Variants in TBC1D5 observed in about 807,000 individuals in gnomAD.
TBC1D5 encodes the protein TBC1 domain family member 5.
A neutral mutation model predicts 100.3 loss-of-function variants in TBC1D5; 75 were observed. The ratio of observed to expected loss-of-function variants is 0.75; its 90% CI spans 0.62 to 0.91. The LOEUF (loss-of-function observed/expected upper bound fraction) is 0.91. Among genes scored for constraint, TBC1D5 ranks in the 40% least tolerant of loss-of-function variants. The pLI, the probability that TBC1D5 is intolerant of heterozygous loss-of-function variation, is 0.00. For missense variants in TBC1D5, 910 were observed against 942.4 expected (o/e 0.97, Z 0.45); for synonymous variants, 323 against 325.6 (o/e 0.99, Z 0.09).
intron 2 of TBC1D5, among the ~76,000 whole-genome samples, chr3:17,523,788 T>C (rs955982332): frequency 2.0e-5 from 3 of 152,220 alleles, no homozygotes; most frequent in African/African-American, 2.4e-5. Flanking sequence ...TATTGTCTCC[T>C]AGTGGACAAG....
intron 1 of TBC1D5, among the ~76,000 whole-genome samples, chr3:17,721,584 A>G (rs904759206): frequency 2.0e-5 from 3 of 152,030 alleles, no homozygotes; most frequent in African/African-American, 7.3e-5. Context: ...GAAAAATGTG[A>G]AGCTATGAGC....
intron 1 of TBC1D5, among the ~76,000 whole-genome samples, chr3:17,693,601 C>T (rs1182125314): frequency 6.6e-6 from 1 of 152,272 alleles, no homozygotes. Flanking sequence ...GGGCGGAGCC[C>T]ACTGCAGCTC....
intron 2 of TBC1D5, among the ~76,000 whole-genome samples, chr3:17,600,908 T>G (rs1460967635): frequency 9.2e-5 from 14 of 152,226 alleles, no homozygotes. Context: ...CATTTTATTC[T>G]CTTATCCAAG....
rs555998108 is a variant in TBC1D5, at chr3:17,711,881, A to T, written c.-101+27462T>A. 2.4e-4 allele frequency among the ~76,000 whole-genome samples: 36 copies of T among 152,374 alleles called. No individual in the cohort carries two copies. In the Middle Eastern group the frequency reaches 0.014, roughly 58 times the overall value. On this transcript the variant is annotated intron_variant, in intron 1 of 21. Coordinates refer to ENST00000253692, the Ensembl canonical transcript of TBC1D5. ...GTTTCTCTCACACAACCACAAGTGG[A>T]ATTGTGTTGAAGGTAATGTGCATGT... is the stretch of plus-strand genomic sequence containing the variant.
intron 1 of TBC1D5, among the ~76,000 whole-genome samples, chr3:17,638,825 T>C (rs566116917): frequency 6.6e-6 from 1 of 152,210 alleles, no homozygotes; most frequent in Admixed American, 6.5e-5. Context: ...GAGAAAATTT[T>C]AAGTTATAAA....
chr3:17,551,760 A>T (rs569552127), intron 2 of TBC1D5, among the ~76,000 whole-genome samples: 69 of 152,066 alleles, frequency 4.5e-4, no homozygotes, highest in Middle Eastern at 3.4e-3. Flanking sequence ...TGTTGAAAAC[A>T]ACAAGCAATT....
At chr3:17,729,624 T>C (rs1289357850) in intron 1 of TBC1D5, among the ~76,000 whole-genome samples, 1 of 152,038 alleles carries the variant, frequency 6.6e-6, no homozygotes, top group Non-Finnish European at 1.5e-5. Flanking sequence ...GGAGAATCGC[T>C]TGAACCTGGG....
In TBC1D5 at chr3:17,166,894, T is replaced by TTA; in HGVS notation, c.1965_1966dup (p.Asn656IlefsTer6). ...CTCTTCGGCCTCTAGCTGGCTCTGGTTAAAACGCAGGGAACCTTTTAGAAT... is the reference window on the plus strand; with the variant it reads ...CTCTTCGGCCTCTAGCTGGCTCTGGTTATAAAACGCAGGGAACCTTTTAGAAT... On this transcript the variant is annotated frameshift_variant, in exon 21 of 22. Transcript: ENST00000253692. LOFTEE classifies it high-confidence loss of function. 1 of 1,613,468 alleles carries TTA rather than the reference T, an allele frequency of 6.2e-7. No homozygotes were observed. Among genetic ancestry groups the TTA allele is most frequent in the Non-Finnish European group, 8.5e-7 (1 of 1,179,812 alleles).
intron 1 of TBC1D5, among the ~76,000 whole-genome samples, chr3:17,686,038 C>T (rs1317519072): frequency 2.0e-5 from 3 of 152,092 alleles, no homozygotes; most frequent in Non-Finnish European, 4.4e-5. Flanking sequence ...TTGACAGTAT[C>T]CAACTTTCTC....
At chr3:17,488,956 T>G (rs112606396) in intron 3 of TBC1D5, among the ~76,000 whole-genome samples, 203 of 149,698 alleles carry the variant, frequency 1.4e-3, no homozygotes, top group Non-Finnish European at 1.9e-3. Context: ...TGTATGAAAA[T>G]CTAATGCCTG....
intron 3 of TBC1D5, among the ~76,000 whole-genome samples, chr3:17,456,420 AAG>A (rs1275618033): frequency 2.0e-5 from 3 of 152,226 alleles, no homozygotes; most frequent in African/African-American, 7.2e-5. Context: ...GATTAATCAC[AAG>A]ACTATATAAG....
intron 17 of TBC1D5, among the ~76,000 whole-genome samples, chr3:17,235,458 ACTT>A (rs558678141): frequency 1.5e-3 from 226 of 152,344 alleles, no homozygotes; most frequent in African/African-American, 5.1e-3. Context: ...GAGAGAAATC[ACTT>A]CACAACACAA....
chr3:17,372,478 G>T (rs2092514899), intron 12 of TBC1D5, among the ~76,000 whole-genome samples: 1 of 152,116 alleles, frequency 6.6e-6, no homozygotes, highest in Admixed American at 6.6e-5. Context: ...GGGTAATTAA[G>T]ACGAATGTTC....
chr3:17,352,919 G>A (rs960557313), intron 13 of TBC1D5, among the ~76,000 whole-genome samples: 7 of 152,082 alleles, frequency 4.6e-5, no homozygotes, highest in African/African-American at 1.7e-4. Flanking sequence ...ATATCAAACT[G>A]TCTGTTGTCA....
At chr3:17,692,102 C>CT (rs976055494) in intron 1 of TBC1D5, among the ~76,000 whole-genome samples, 5 of 151,290 alleles carry the variant, frequency 3.3e-5, no homozygotes, top group East Asian at 1.9e-4. Context: ...TACTTTTTTT[C>CT]TTTTTTTTGA....
At chr3:17,509,847 G>A (rs889005036) in intron 2 of TBC1D5, among the ~76,000 whole-genome samples, 6 of 151,684 alleles carry the variant, frequency 4.0e-5, no homozygotes, top group African/African-American at 1.5e-4. Flanking sequence ...ATTTCCTTTG[G>A]TCGTTTTGAA....
chr3:17,307,428 C>T (rs934710311), intron 14 of TBC1D5, among the ~76,000 whole-genome samples: 10 of 152,206 alleles, frequency 6.6e-5, no homozygotes, highest in Admixed American at 3.3e-4. Context: ...GGGCTAGACA[C>T]TGGCTTTCCG....
intron 2 of TBC1D5, among the ~76,000 whole-genome samples, chr3:17,618,960 C>T (rs1056352049): frequency 7.2e-5 from 11 of 152,198 alleles, no homozygotes; most frequent in Non-Finnish European, 1.3e-4. Context: ...GTTGGAAATG[C>T]AGATATCACC....
intron 2 of TBC1D5, among the ~76,000 whole-genome samples, chr3:17,574,268 A>C (rs945599350): frequency 2.0e-5 from 3 of 151,954 alleles, no homozygotes; most frequent in African/African-American, 4.8e-5. Context: ...CATTGCCTCC[A>C]AATTAAGCTT....
Sources: allele counts gnomAD v4.1 joint callset (sites outside exome capture counted in the v4.1 genomes callset), GRCh38; gene constraint gnomAD v4.1.1; transcripts MANE v1.5; gene names NCBI Gene and HGNC (gene_info 2026-07-23, HGNC 2026-07-21).